The following ATRNL1 variants were observed in gnomAD, a reference collection of about 807,000 sequenced individuals.
ATRNL1 encodes the protein attractin-like protein 1.
ATRNL1 carries 95 observed loss-of-function variants against 182.7 expected under a neutral mutation model. That is an observed-to-expected ratio of 0.52 (90% CI 0.44 to 0.62). The LOEUF (loss-of-function observed/expected upper bound fraction) is 0.62. Among genes scored for constraint, ATRNL1 ranks in the 20% least tolerant of loss-of-function variants. The pLI is 0.00. For synonymous variants in ATRNL1, 576 were observed against 568.3 expected (o/e 1.01, Z -0.19); for missense variants, 1,471 against 1,679.5 (o/e 0.88, Z 2.17).
intron 19 of ATRNL1, among the ~76,000 whole-genome samples, chr10:115,335,287 C>A (rs1417226726): frequency 6.6e-6 from 1 of 152,096 alleles, no homozygotes; most frequent in East Asian, 1.9e-4. Flanking sequence ...ATAGCACCCA[C>A]AGAAATACGT....
At chr10:115,257,286 G>T (rs782296121) in intron 10 of ATRNL1, among the ~76,000 whole-genome samples, 1 of 152,004 alleles carries the variant, frequency 6.6e-6, no homozygotes, top group Non-Finnish European at 1.5e-5. Flanking sequence ...GGTCTCCAAG[G>T]GCTTGCTTTA....
intron 19 of ATRNL1, among the ~76,000 whole-genome samples, chr10:115,356,773 T>C (rs1408114998): frequency 9.2e-5 from 14 of 151,978 alleles, no homozygotes; most frequent in African/African-American, 3.4e-4. Context: ...CTTCAACTTT[T>C]GCTATTTGAA....
At position 115,620,042 on chromosome 10, in the gene ATRNL1, G is replaced by A. The variant is rs150949493; in HGVS notation, c.3795+70506G>A. ...TTCACGTTATAAAGGAATACCTAAG[G>A]CTGGATAACTTATAAATAAAAGAGG... On this transcript the variant is annotated intron_variant, in intron 26 of 28. Transcript: ENST00000355044. 1.7e-3 allele frequency among the ~76,000 whole-genome samples: 265 copies of A among 152,244 alleles called. 2 individuals carry two copies. Among genetic ancestry groups the A allele is most frequent in the African/African-American group, 6.3e-3 (260 of 41,550 alleles).
intron 17 of ATRNL1, among the ~76,000 whole-genome samples, chr10:115,309,902 C>T (rs1477605577): frequency 2.0e-5 from 3 of 151,916 alleles, no homozygotes; most frequent in African/African-American, 4.8e-5. Context: ...ATAGAAGTGA[C>T]GAAAGTGGGC....
chr10:115,610,524 A>G (rs1857100187), intron 26 of ATRNL1, among the ~76,000 whole-genome samples: 1 of 152,146 alleles, frequency 6.6e-6, no homozygotes, highest in Non-Finnish European at 1.5e-5. Flanking sequence ...TAGTCTTATC[A>G]GTGAATTAAT....
At chr10:115,866,152 T>G (rs1446364000) in intron 28 of ATRNL1, among the ~76,000 whole-genome samples, 11 of 152,224 alleles carry the variant, frequency 7.2e-5, no homozygotes, top group African/African-American at 2.4e-4. Context: ...TGTTAAAATT[T>G]TTTAATGCTT....
At chr10:115,346,761 T>C (rs1183696127) in intron 19 of ATRNL1, among the ~76,000 whole-genome samples, 12 of 152,178 alleles carry the variant, frequency 7.9e-5, no homozygotes, top group African/African-American at 2.7e-4. Flanking sequence ...GAAAAAGTTC[T>C]ATATATCTTC....
chr10:115,422,024 C>T (rs1554962018), intron 20 of ATRNL1, among the ~76,000 whole-genome samples: 1 of 152,124 alleles, frequency 6.6e-6, no homozygotes, highest in East Asian at 1.9e-4. Context: ...CCCTTTCTTA[C>T]ACCATATACA....
intron 26 of ATRNL1, among the ~76,000 whole-genome samples, chr10:115,587,282 C>G (rs1855583316): frequency 1.3e-5 from 2 of 152,168 alleles, no homozygotes; most frequent in Admixed American, 6.5e-5. Flanking sequence ...TGGGCTCCAC[C>G]CAGTTCAGTT....
At chr10:115,205,619 T>C (rs1164315944) in intron 8 of ATRNL1, among the ~76,000 whole-genome samples, 1 of 151,998 alleles carries the variant, frequency 6.6e-6, no homozygotes, top group African/African-American at 2.4e-5. Flanking sequence ...AATGTGATAT[T>C]TACTATTATC....
At chr10:115,583,065 G>T (rs1342837529) in intron 26 of ATRNL1, among the ~76,000 whole-genome samples, 12 of 150,084 alleles carry the variant, frequency 8.0e-5, no homozygotes, top group African/African-American at 2.9e-4. Flanking sequence ...TACATATGTG[G>T]CATTATTTCT....
At chr10:115,233,494 T>C (rs1428131415) in intron 9 of ATRNL1, among the ~76,000 whole-genome samples, 1 of 152,150 alleles carries the variant, frequency 6.6e-6, no homozygotes, top group Admixed American at 6.5e-5. Context: ...TGTTTCTTCC[T>C]TTCTGGGTCT....
chr10:115,743,853 T>A (rs1353686134), intron 27 of ATRNL1, among the ~76,000 whole-genome samples: 1 of 152,040 alleles, frequency 6.6e-6, no homozygotes, highest in Non-Finnish European at 1.5e-5. Flanking sequence ...AAAAGAACTT[T>A]GTTTAGAAAA....
chr10:115,380,813 T>C (rs1857955732), intron 19 of ATRNL1, among the ~76,000 whole-genome samples: 1 of 152,222 alleles, frequency 6.6e-6, no homozygotes, highest in South Asian at 2.1e-4. Flanking sequence ...CCTATTTCCA[T>C]TCTTTGGCTA....
chr10:115,149,852 A>G (rs1230058065), intron 5 of ATRNL1, among the ~76,000 whole-genome samples: 10 of 147,884 alleles, frequency 6.8e-5, no homozygotes, highest in Non-Finnish European at 1.5e-4. Flanking sequence ...TGTAAAATGA[A>G]TTAGGGACAA....
rs114300014 is a variant in ATRNL1 at position 115,262,767 on chromosome 10, C to A, written c.1688-2426C>A. 7.6e-3 allele frequency among the ~76,000 whole-genome samples: 1,162 copies of A among 151,952 alleles called. 17 individuals are homozygous for A. Among genetic ancestry groups the A allele is most frequent in the African/African-American group, 0.026 (1,083 of 41,516 alleles). On this transcript the variant is annotated intron_variant, in intron 10 of 28. Coordinates refer to ENST00000355044, the MANE Select transcript of ATRNL1 (RefSeq NM_207303.4). ...TTCATAGAAGACTAAAACAAATAAC[C>A]TATACATGTGAAAATAAGTTGACTC...
intron 26 of ATRNL1, among the ~76,000 whole-genome samples, chr10:115,678,751 T>C (rs782483330): frequency 1.4e-4 from 21 of 152,148 alleles, no homozygotes; most frequent in Non-Finnish European, 1.6e-4. Flanking sequence ...AAAGGTGTCA[T>C]ATGCATATCA....
At chr10:115,942,714 A>C (rs1202019170) in intron 28 of ATRNL1, among the ~76,000 whole-genome samples, 1 of 152,246 alleles carries the variant, frequency 6.6e-6, no homozygotes, top group Non-Finnish European at 1.5e-5. Flanking sequence ...AGCTCAATTC[A>C]AAGTCAAGTC....
intron 1 of ATRNL1, among the ~76,000 whole-genome samples, chr10:115,111,843 G>A (rs1554868157): frequency 6.6e-6 from 1 of 151,976 alleles, no homozygotes; most frequent in East Asian, 1.9e-4. Context: ...TTCTTGTGTG[G>A]CCATAATGGG....
Sources: allele counts gnomAD v4.1 joint callset (sites outside exome capture counted in the v4.1 genomes callset), GRCh38; gene constraint gnomAD v4.1.1; transcripts MANE v1.5; gene names NCBI Gene and HGNC (gene_info 2026-07-23, HGNC 2026-07-21).